The following PLXNB2 variants were observed in gnomAD, a reference collection of about 807,000 sequenced individuals.
PLXNB2 encodes the protein plexin-B2.
A neutral mutation model predicts 202.6 loss-of-function variants in PLXNB2; 85 were observed. That is an observed-to-expected ratio of 0.42 (90% confidence interval 0.35 to 0.50). The LOEUF is 0.50. PLXNB2 is among the 20% of genes least tolerant of loss of function. The pLI is 0.02. For synonymous variants in PLXNB2, 1,239 were observed against 1,137.6 expected (o/e 1.09, Z -1.79); for missense variants, 2,063 against 2,586.2 (o/e 0.80, Z 4.39).
rs551501650 is a variant in PLXNB2, at chr22:50,288,342, C to A, written c.1381-305G>T. Among the ~76,000 whole-genome samples the A allele has an allele frequency of 6.6e-6, 1 of 152,188 alleles. No individual in the cohort carries two copies. Among genetic ancestry groups the A allele is most frequent in the African/African-American group, 2.4e-5 (1 of 41,538 alleles). On this transcript the variant is annotated intron_variant, in intron 5 of 36. Transcript: ENST00000359337. The surrounding 1 kb of genome is among the most constrained non-coding windows in gnomAD (Gnocchi z 5.0). ...CTGGCCTGAGGGTCTCTGGCACTAA[C>A]CCCCCACAAGCTTGGGGCCCAGGCC...
Position 50,283,042 on chromosome 22 carries a change from A to C in PLXNB2, c.2816+8T>G, listed in dbSNP as rs1399109832. ...CAACCAGACTCAGCAGCTGGCGGTG[A>C]CACCCACACTTTACACGGGACGCCG... On this transcript the variant is annotated splice_region_variant and intron_variant, in intron 17 of 36. Coordinates refer to ENST00000359337, the MANE Select transcript of PLXNB2 (RefSeq NM_012401.4). 6.2e-7 allele frequency: 1 copy of C among 1,603,538 alleles called. No individual in the cohort carries two copies. The highest frequency in any genetic ancestry group is 2.2e-5 in the East Asian group (1 of 44,730).
In PLXNB2 at chr22:50,288,938, C is replaced by G; in HGVS notation, c.1251+22G>C. On this transcript the variant is annotated intron_variant, in intron 4 of 36. Coordinates refer to ENST00000359337, the MANE Select transcript of PLXNB2 (RefSeq NM_012401.4). The surrounding 1 kb of genome is among the most constrained non-coding windows in gnomAD (Gnocchi z 5.0). ...GCACAGACGGGCCCTCCAGAGCCTC[C>G]CCGCCCCAGCCTGGGCCAAACCTTG... 6.2e-7 allele frequency: 1 copy of G among 1,606,162 alleles called. No individual in the cohort carries two copies. The highest frequency in any genetic ancestry group is 1.1e-5 in the South Asian group (1 of 90,954).
At chr22:50,276,424 A>ACGGCCGAGGGTGCAGCCGCAGGGAG (rs1569154907) in intron 35 of PLXNB2, among the ~76,000 whole-genome samples, 1 of 151,890 alleles carries the variant, frequency 6.6e-6, no homozygotes, top group African/African-American at 2.4e-5. Flanking sequence ...CGCTGTGGGC[A>ACGGCCGAGGGTGCAGCCGCAGGGAG]GGGCCTGGCT....
rs927599302 is a variant in PLXNB2 at position 50,275,875 on chromosome 22, G to A, written c.5412+14C>T. 6 of 1,612,068 alleles carry A rather than the reference G, an allele frequency of 3.7e-6. No individual in the cohort carries two copies. Among genetic ancestry groups the A allele is most frequent in the African/African-American group, 1.3e-5 (1 of 74,898 alleles). ...GCACCCCACCTGCCCCCGCCCCCGG[G>A]GGCCTGACCCTACCTCGTCATAGTA... On this transcript the variant is annotated intron_variant, in intron 36 of 36. Coordinates refer to ENST00000359337, the MANE Select transcript of PLXNB2 (RefSeq NM_012401.4).
At chr22:50,305,409 C>T (rs561046290) in intron 1 of PLXNB2, among the ~76,000 whole-genome samples, 1 of 152,340 alleles carries the variant, frequency 6.6e-6, no homozygotes, top group Admixed American at 6.5e-5. Context: ...GGCGCACACA[C>T]AGCATGGACC....
chr22:50,305,824 C>T (rs1569187392), intron 1 of PLXNB2, among the ~76,000 whole-genome samples: 1 of 152,118 alleles, frequency 6.6e-6, no homozygotes, highest in Non-Finnish European at 1.5e-5. Context: ...CGAGGGGGTC[C>T]CTGGGTGGGC....
In PLXNB2 at chr22:50,288,602, C is replaced by G; in HGVS notation, c.1380+141G>C. The G allele has an allele frequency of 8.5e-7, 1 of 1,175,576 alleles. No individual in the cohort carries two copies. The highest frequency in any genetic ancestry group is 1.2e-6 in the Non-Finnish European group (1 of 849,496). 72.8% of individuals were successfully genotyped at this position (1,175,576 alleles called of 1,614,324 possible). A position where few individuals can be genotyped will look rare whatever the true frequency, so the allele number is the denominator to read the frequency against. The stretch of plus-strand genomic sequence containing the variant: ...GCACTGCCCGGGACCCACCCAGCCA[C>G]CCCTCATCCAGACCAAGGAGAAGGG... On this transcript the variant is annotated intron_variant, in intron 5 of 36. Coordinates refer to ENST00000359337, the MANE Select transcript of PLXNB2 (RefSeq NM_012401.4). This position sits in a 1 kb window ranked among gnomAD's most constrained non-coding sequence, Gnocchi z 5.0.
chr22:50,276,391 T>A (rs373825877), intron 35 of PLXNB2, among the ~76,000 whole-genome samples: 340 of 126,206 alleles, frequency 2.7e-3, no homozygotes, highest in South Asian at 0.01. Flanking sequence ...GGCACGGCCG[T>A]GGGTGCAGCC....
chr22:50,287,369 C>G, intron 7 of PLXNB2, 105 bp from the exon 8 acceptor site: 1 of 1,254,702 alleles, frequency 8.0e-7, no homozygotes, highest in Non-Finnish European at 1.1e-6. Flanking sequence ...CCCAGTGGAG[C>G]CTCCAGAACC....
rs752961600 is a variant in PLXNB2 at position 50,280,762 on chromosome 22, G to C, written c.3975C>G (p.Ser1325Arg). ...ALYQFSNLLN[S>R]KSFLINFIHT... Reference sequence around the variant, plus strand: ...GGCTCACATTGATGAGGAAAGACTTGCTGTTCAGCAGGTTGGAGAACTGGT... The same window carrying C: ...GGCTCACATTGATGAGGAAAGACTTCCTGTTCAGCAGGTTGGAGAACTGGT... The change falls in exon 24 of 37, where the codon AGC becomes AGG. Residue 1325 changes from serine to arginine, a missense_variant. By Grantham distance (110) the Ser-to-Arg change is moderately radical (BLOSUM62 -1). Transcript: ENST00000359337. The C allele has an allele frequency of 5.2e-6, 7 of 1,354,098 alleles. No individual in the cohort carries two copies. Among genetic ancestry groups the C allele is most frequent in the Non-Finnish European group, 7.0e-6 (7 of 1,004,656 alleles). 83.9% of individuals were successfully genotyped at this position (1,354,098 alleles called of 1,614,324 possible).
chr22:50,294,477 A>C (rs937274324), intron 2 of PLXNB2, among the ~76,000 whole-genome samples: 7 of 151,506 alleles, frequency 4.6e-5, no homozygotes, highest in Admixed American at 4.6e-4. Context: ...CCTGAGCAAA[A>C]GCTTGGCCTG....
At chr22:50,294,812 G>A in intron 1 of PLXNB2, 34 bp from the exon 2 acceptor site, 1 of 970,682 alleles carries the variant, frequency 1.0e-6, no homozygotes, top group Non-Finnish European at 1.2e-6. Context: ...GGTCACAAGA[G>A]GAGCCCGGTC....
chr22:50,286,146 T>TG (rs921722974), intron 9 of PLXNB2, 27 bp downstream of exon 9: 4 of 1,608,780 alleles, frequency 2.5e-6, no homozygotes, highest in Admixed American at 3.3e-5. Flanking sequence ...ACGGGCAGGG[T>TG]GGGGTCGATG....
In PLXNB2 at chr22:50,277,947, G is replaced by A. The variant is rs758133473; in HGVS notation, c.4954C>T (p.Pro1652Ser). ...SVLAPGHAVPPAVKYFFDFLD... is the reference protein window; with the variant it reads ...SVLAPGHAVPSAVKYFFDFLD... ...AAGTCGAAGAAGTACTTGACTGCAG[G>A]TGGCACCGCGTGCCCAGGCGCCAGC... Residue 1652 changes from proline to serine, a missense_variant, in exon 32 of 37, where the codon CCT (proline) becomes TCT (serine). By Grantham distance (74) the Pro-to-Ser change is moderately conservative (BLOSUM62 -1). This residue lies in a region of PLXNB2 where 760 missense variants were observed against 1,109.4 expected (regional missense o/e 0.69). Coordinates refer to ENST00000359337, the MANE Select transcript of PLXNB2 (RefSeq NM_012401.4). 1 of 1,612,992 alleles carries A rather than the reference G, an allele frequency of 6.2e-7. No individual in the cohort carries two copies. The highest frequency in any genetic ancestry group is 2.2e-5 in the East Asian group (1 of 44,872).
At chr22:50,283,502 C>T (rs1296035446) in intron 15 of PLXNB2, 57 bp from the exon 16 acceptor site, 58 of 1,501,126 alleles carry the variant, frequency 3.9e-5, no homozygotes, top group Non-Finnish European at 4.8e-5. Flanking sequence ...CACACCCTGA[C>T]ACCCTCACCC....
At chr22:50,286,352 CCCCT>C in intron 8 of PLXNB2, 65 bp from the exon 9 acceptor site, 2 of 1,197,172 alleles carry the variant, frequency 1.7e-6, no homozygotes, top group Non-Finnish European at 2.5e-6. Flanking sequence ...GGCTGGGCCT[CCCCT>C]GGGGCTGACT....
At position 50,282,088 on chromosome 22, in the gene PLXNB2, G is replaced by A. The variant is rs367816716; in HGVS notation, c.3118-7C>T. ...CGTAGTCTGTACCCACCACCTGCAG[G>A]CAAGTCCCAGCTGTCAGCCCCCGGG... is the stretch of plus-strand genomic sequence containing the variant. On this transcript the variant is annotated splice_region_variant and splice_polypyrimidine_tract_variant and intron_variant, in intron 19 of 36. Transcript: ENST00000359337. 34 of 1,608,406 alleles carry A rather than the reference G, an allele frequency of 2.1e-5. No individual in the cohort carries two copies. Among genetic ancestry groups the A allele is most frequent in the Non-Finnish European group, 2.8e-5 (33 of 1,178,552 alleles).
chr22:50,303,540 G>C (rs2067784139), intron 1 of PLXNB2, among the ~76,000 whole-genome samples: 2 of 152,226 alleles, frequency 1.3e-5, no homozygotes, highest in Non-Finnish European at 2.9e-5. Context: ...AGCCACAGGA[G>C]CAGACGCCCT....
intron 2 of PLXNB2, among the ~76,000 whole-genome samples, chr22:50,293,672 G>A (rs1056572483): frequency 3.3e-5 from 5 of 152,226 alleles, no homozygotes; most frequent in East Asian, 1.9e-4. Flanking sequence ...GATCTGGCCC[G>A]GACCGTGGTG....
Sources: allele counts gnomAD v4.1 joint callset (sites outside exome capture counted in the v4.1 genomes callset), GRCh38; gene constraint gnomAD v4.1.1; regional missense constraint gnomAD v4.1.1; non-coding constraint Gnocchi (gnomAD v3.1); transcripts MANE v1.5; gene names NCBI Gene and HGNC (gene_info 2026-07-23, HGNC 2026-07-21).